NR3C2: variants seen among roughly 807,000 people sequenced by gnomAD.
The protein encoded by NR3C2 is mineralocorticoid receptor.
A neutral mutation model predicts 86.4 loss-of-function variants in NR3C2; 15 were observed. That is an observed-to-expected ratio of 0.17 (90% CI 0.12 to 0.27). The LOEUF (loss-of-function observed/expected upper bound fraction) is 0.27. Ranked by LOEUF, NR3C2 falls within the 10% of genes least tolerant of loss-of-function variation. The pLI, the probability that NR3C2 is intolerant of heterozygous loss-of-function variation, is 1.00. For missense variants in NR3C2, 960 were observed against 1,195.6 expected (o/e 0.80, Z 2.91); for synonymous variants, 458 against 450.5 (o/e 1.02, Z -0.21).
chr4:148,436,866 A>C lies in NR3C2; in HGVS notation c.-2-4T>G, dbSNP rs1203858623. 3.1e-6 allele frequency: 5 copies of C among 1,596,454 alleles called. No individual in the cohort carries two copies. The highest frequency in any genetic ancestry group is 4.3e-6 in the Non-Finnish European group (5 of 1,173,128). On this transcript the variant is annotated splice_polypyrimidine_tract_variant and splice_region_variant and intron_variant, in intron 1 of 8. Coordinates refer to ENST00000358102, the MANE Select transcript of NR3C2 (RefSeq NM_000901.5). The stretch of plus-strand genomic sequence containing the variant: ...TGGTAGCCTTTGGTCTCCATCGCTA[A>C]CAAATAAATTTACATTAAAAAATTA...
chr4:148,186,615 A>G (rs938060685), intron 4 of NR3C2, among the ~76,000 whole-genome samples: 1 of 151,888 alleles, frequency 6.6e-6, no homozygotes, highest in African/African-American at 2.4e-5. Context: ...TACATAATCT[A>G]TTTTTTTCCT....
At chr4:148,262,929 A>C (rs1740197755) in intron 2 of NR3C2, among the ~76,000 whole-genome samples, 1 of 151,558 alleles carries the variant, frequency 6.6e-6, no homozygotes, top group African/African-American at 2.4e-5. Flanking sequence ...ATCTCCAAAC[A>C]CTCCTCCAGC....
At chr4:148,276,295 C>T (rs1275450466) in intron 2 of NR3C2, among the ~76,000 whole-genome samples, 1 of 152,068 alleles carries the variant, frequency 6.6e-6, no homozygotes, top group African/African-American at 2.4e-5. Context: ...ATTACAGGTT[C>T]TGATTCATTT....
Position 148,442,186 on chromosome 4 carries a change from C to T in NR3C2, c.-29G>A, listed in dbSNP as rs1485282144. The T allele has an allele frequency of 6.5e-6, 1 of 152,718 alleles. No individual in the cohort carries two copies. The highest frequency in any genetic ancestry group is 2.4e-5 in the African/African-American group (1 of 41,478). The allele number at this position is 152,718 out of a possible 1,614,324, so 9.5% of individuals were successfully genotyped here. A position where few individuals can be genotyped will look rare whatever the true frequency, so the allele number is the denominator to read the frequency against. Reference sequence around the variant, plus strand: ...TGCCTCGGCCGGGGTCCGTCTCTCGCCGTCTACCTGTTGCAGCGCTTGCCA... The same window carrying T: ...TGCCTCGGCCGGGGTCCGTCTCTCGTCGTCTACCTGTTGCAGCGCTTGCCA... On this transcript the variant is annotated 5_prime_UTR_variant, in exon 1 of 9. Transcript: ENST00000358102.
Position 148,188,332 on chromosome 4 carries a change from T to A in NR3C2, c.2014+6414A>T, listed in dbSNP as rs1736034599. ...AGTATGGTCATTTTCACAATATTGA[T>A]TCTACCCAACCATGAGCATGGGATG... is the stretch of plus-strand genomic sequence containing the variant. On this transcript the variant is annotated intron_variant, in intron 4 of 8. Coordinates refer to ENST00000358102, the MANE Select transcript of NR3C2 (RefSeq NM_000901.5). 2.0e-5 allele frequency among the ~76,000 whole-genome samples: 3 copies of A among 152,220 alleles called. No individual in the cohort carries two copies. In the South Asian group the frequency reaches 6.2e-4, roughly 32 times the overall value.
intron 7 of NR3C2, among the ~76,000 whole-genome samples, chr4:148,114,592 T>TA (rs1732190193): frequency 6.6e-6 from 1 of 151,980 alleles, no homozygotes; most frequent in Non-Finnish European, 1.5e-5. Flanking sequence ...ATGGACACAA[T>TA]AAAAAAAGGC....
intron 2 of NR3C2, among the ~76,000 whole-genome samples, chr4:148,309,848 G>A (rs1331604464): frequency 6.6e-6 from 1 of 151,982 alleles, no homozygotes; most frequent in Non-Finnish European, 1.5e-5. Context: ...TCTCATCATA[G>A]TAACTATAAA....
intron 2 of NR3C2, among the ~76,000 whole-genome samples, chr4:148,302,183 G>A (rs1416748147): frequency 6.6e-6 from 1 of 152,160 alleles, no homozygotes; most frequent in Non-Finnish European, 1.5e-5. Flanking sequence ...GATAACTTGG[G>A]AGACTGTGAC....
chr4:148,199,840 T>A (rs1449240927), intron 3 of NR3C2, among the ~76,000 whole-genome samples: 2 of 151,918 alleles, frequency 1.3e-5, no homozygotes, highest in East Asian at 3.9e-4. Context: ...TTAAGATAAA[T>A]CTCCCTATGT....
intron 2 of NR3C2, among the ~76,000 whole-genome samples, chr4:148,428,209 G>A (rs1374037105): frequency 1.3e-5 from 2 of 152,096 alleles, no homozygotes; most frequent in Non-Finnish European, 2.9e-5. Flanking sequence ...CTGTCTTTCT[G>A]TTACATTATC....
intron 3 of NR3C2, 130 bp downstream of exon 3, chr4:148,259,848 C>T: frequency 8.4e-7 from 1 of 1,189,994 alleles, no homozygotes; most frequent in East Asian, 2.4e-5. Flanking sequence ...GGCACTATTA[C>T]TGTTTATCAC....
rs140646582 is a variant in NR3C2, at chr4:148,207,746, A to C, written c.1898-12884T>G. Among the ~76,000 whole-genome samples, 510 of 152,296 alleles carry C rather than the reference A, an allele frequency of 3.3e-3. 3 individuals are homozygous for C. Among genetic ancestry groups the C allele is most frequent in the African/African-American group, 0.011 (473 of 41,548 alleles). ...ACAGTACAGTAGTCTCCCTTTATCCATGAGGGACATGTTCCAAAGACCCCC... is the reference window on the plus strand; with the variant it reads ...ACAGTACAGTAGTCTCCCTTTATCCCTGAGGGACATGTTCCAAAGACCCCC... On this transcript the variant is annotated intron_variant, in intron 3 of 8. Transcript: ENST00000358102.
At chr4:148,284,810 T>C (rs969578054) in intron 2 of NR3C2, among the ~76,000 whole-genome samples, 2 of 152,232 alleles carry the variant, frequency 1.3e-5, no homozygotes, top group Non-Finnish European at 2.9e-5. Flanking sequence ...AGGAAATTAA[T>C]ATGTGTTGAC....
At chr4:148,220,412 A>G (rs747502072) in intron 3 of NR3C2, among the ~76,000 whole-genome samples, 1 of 152,166 alleles carries the variant, frequency 6.6e-6, no homozygotes, top group African/African-American at 2.4e-5. Context: ...TTTTAAAAGC[A>G]TGAAGAAATC....
chr4:148,295,924 T>C (rs1490813097), intron 2 of NR3C2, among the ~76,000 whole-genome samples: 2 of 151,794 alleles, frequency 1.3e-5, no homozygotes, highest in African/African-American at 4.8e-5. Flanking sequence ...AATAATTGCA[T>C]TTTTTATTAC....
chr4:148,124,229 C>A (rs1484475845), intron 6 of NR3C2, among the ~76,000 whole-genome samples: 6 of 123,054 alleles, frequency 4.9e-5, no homozygotes, highest in Non-Finnish European at 8.6e-5. Context: ...AGTGAGACTC[C>A]ATCCCAAAAC....
At chr4:148,263,050 A>C (rs887330452) in intron 2 of NR3C2, among the ~76,000 whole-genome samples, 1 of 152,046 alleles carries the variant, frequency 6.6e-6, no homozygotes, top group Non-Finnish European at 1.5e-5. Context: ...CCACTCCCTG[A>C]CAGCCCCTGC....
At chr4:148,134,846 G>A (rs1438894358) in intron 6 of NR3C2, among the ~76,000 whole-genome samples, 1 of 150,398 alleles carries the variant, frequency 6.6e-6, no homozygotes. Flanking sequence ...CTGTAGAGAT[G>A]GGGTTTCCGC....
chr4:148,142,254 C>T (rs1733647093), intron 6 of NR3C2, among the ~76,000 whole-genome samples: 1 of 152,130 alleles, frequency 6.6e-6, no homozygotes, highest in Admixed American at 6.6e-5. Flanking sequence ...CAGGTTCCTG[C>T]CCTCCCAGCG....
Sources: gnomAD v4.1 joint callset for allele counts (sites outside exome capture counted in the v4.1 genomes callset) on GRCh38, gnomAD v4.1.1 for gene constraint, MANE v1.5 for transcripts, NCBI Gene and HGNC (gene_info 2026-07-23, HGNC 2026-07-21) for gene names.